Variants in ZNF575 observed in about 807,000 individuals in gnomAD.
The protein encoded by ZNF575 is zinc finger protein 575.
ZNF575 carries 17 observed loss-of-function variants against 17.5 expected under a neutral mutation model. The observed-to-expected ratio is 0.97, with a 90% CI of 0.66 to 1.45. ZNF575 has a LOEUF of 1.45. ZNF575 is among the 40% of genes most tolerant of loss of function. The probability of loss-of-function intolerance (pLI) is 0.00; values close to 1 mark genes in which losing one functional copy is unlikely to be tolerated. For synonymous variants in ZNF575, 146 were observed against 158.3 expected (o/e 0.92, Z 0.58); for missense variants, 352 against 359.2 (o/e 0.98, Z 0.16).
Position 43,535,132 on chromosome 19 carries a change from C to CCCCCGCCCCG in ZNF575, c.185_186insCCGCCCCGCC (p.His63ArgfsTer10), listed in dbSNP as rs2146033111. ...CTCGCCGGCGGCCCCCGCCCCAGCG[C>CCCCCGCCCCG]CCGCACCGCTGCCCCGACTGTGACA... On this transcript the variant is annotated frameshift_variant, in exon 4 of 4. Coordinates refer to ENST00000314228, the MANE Select transcript of ZNF575 (RefSeq NM_174945.3). LOFTEE classifies it high-confidence loss of function. 7 of 1,559,804 alleles carry CCCCCGCCCCG rather than the reference C, an allele frequency of 4.5e-6. No individual in the cohort carries two copies. Among genetic ancestry groups the CCCCCGCCCCG allele is most frequent in the Middle Eastern group, 1.7e-4 (1 of 5,868 alleles).
chr19:43,531,701 G>A (rs1972346197), upstream of ZNF575: 2 of 484,432 alleles, frequency 4.1e-6, no homozygotes, highest in Non-Finnish European at 7.4e-6. Flanking sequence ...GAGATATGAT[G>A]TTTGACATTT....
chr19:43,532,052 G>A (rs1160073485), upstream of ZNF575, among the ~76,000 whole-genome samples: 1 of 148,412 alleles, frequency 6.7e-6, no homozygotes, highest in South Asian at 2.1e-4. Context: ...TTTTTGAGAC[G>A]GAGTCTCACT....
In ZNF575 at chr19:43,533,812, C is replaced by T. The variant is rs1972375677; in HGVS notation, c.-177C>T. On this transcript the variant is annotated 5_prime_UTR_variant, in exon 2 of 4. Transcript: ENST00000314228. ...TCCTCCAGGTCCCCCCTCTATCCTC[C>T]ACGGCCCCATCCAAGCCAGGGATGA... The T allele has an allele frequency of 6.5e-6, 1 of 152,958 alleles. No individual in the cohort carries two copies. Among genetic ancestry groups the T allele is most frequent in the African/African-American group, 2.4e-5 (1 of 41,446 alleles). The allele number at this position is 152,958 out of a possible 1,614,324, so 9.5% of individuals were successfully genotyped here.
chr19:43,534,355 C>G lies in ZNF575; in HGVS notation c.-68C>G. 3 of 1,446,868 alleles carry G rather than the reference C, an allele frequency of 2.1e-6. No individual in the cohort carries two copies. Among genetic ancestry groups the G allele is most frequent in the Admixed American group, 2.0e-5 (1 of 49,410 alleles). 89.6% of individuals were successfully genotyped at this position (1,446,868 alleles called of 1,614,324 possible). On this transcript the variant is annotated 5_prime_UTR_variant, in exon 3 of 4. Transcript: ENST00000314228. ...ATTTTAGGCCCTCCAACCCTATCCC[C>G]ATCAGCCTGGTCATCACCGGCGTCA...
chr19:43,533,176 T>C (rs2682563), upstream of ZNF575: 56,878 of 152,072 alleles, frequency 0.37, 11,064 homozygotes, highest in Non-Finnish European at 0.43. Context: ...GTGCACTTTC[T>C]GTCGATACGG....
rs753389114 is a variant in ZNF575 at position 43,535,468 on chromosome 19, C to T, written c.519C>T (p.Asp173=). 2.0e-5 allele frequency: 33 copies of T among 1,613,396 alleles called. No individual in the cohort carries two copies. Among genetic ancestry groups the T allele is most frequent in the Non-Finnish European group, 2.5e-5 (29 of 1,179,834 alleles). Residue 173 remains aspartate (D), a synonymous_variant, in exon 4 of 4, where the codon GAC becomes GAT. Transcript: ENST00000314228. ...ACCGCCACACGCACCACGCCACCGACGCCCGCCCCTATCCTTGCCCGCATT... is the reference window on the plus strand; with the variant it reads ...ACCGCCACACGCACCACGCCACCGATGCCCGCCCCTATCCTTGCCCGCATT... ...AAHRHTHHAT[D]ARPYPCPHCP...
rs146272217 is a variant in ZNF575 at position 43,535,714 on chromosome 19, C to G, written c.*27C>G. ...CCCTCCCTTGGCTCACTGTCCCCTTCTGCCGCCAGCCCTAGCCAGTAAGAG... is the reference window on the plus strand; with the variant it reads ...CCCTCCCTTGGCTCACTGTCCCCTTGTGCCGCCAGCCCTAGCCAGTAAGAG... On this transcript the variant is annotated 3_prime_UTR_variant, in exon 4 of 4. Coordinates refer to ENST00000314228, the MANE Select transcript of ZNF575 (RefSeq NM_174945.3). The G allele has an allele frequency of 8.8e-4, 1,382 of 1,561,654 alleles. 1 individual carries two copies. Among genetic ancestry groups the G allele is most frequent in the Non-Finnish European group, 1.1e-3 (1,227 of 1,152,906 alleles).
upstream of ZNF575, among the ~76,000 whole-genome samples, chr19:43,532,451 T>C (rs1248897757): frequency 6.6e-5 from 10 of 152,188 alleles, no homozygotes; most frequent in African/African-American, 1.2e-4. Context: ...ACACTTTCCA[T>C]TGATTATCAT....
intron 2 of ZNF575, 57 bp downstream of exon 2, chr19:43,533,959 TG>T (rs1245775560): frequency 6.1e-6 from 1 of 164,718 alleles, no homozygotes; most frequent in African/African-American, 2.4e-5. Flanking sequence ...GCCCCTCCCC[TG>T]GGACGGTGAT....
Position 43,535,561 on chromosome 19 carries a change from G to T in ZNF575, c.612G>T (p.Ala204=). The change falls in exon 4 of 4, where the codon GCG becomes GCT. Residue 204 remains alanine (A), a synonymous_variant. Transcript: ENST00000314228. ...GCCTATGTCACGACCCCCCAACCGC[G>T]CCCGGCAGCCAGGCGACTGCCTGGC... is the stretch of plus-strand genomic sequence containing the variant. ...AHRLCHDPPT[A]PGSQATAWHR... 2.5e-6 allele frequency: 4 copies of T among 1,613,804 alleles called. No individual in the cohort carries two copies. Among genetic ancestry groups the T allele is most frequent in the Non-Finnish European group, 3.4e-6 (4 of 1,179,962 alleles).
Position 43,535,567 on chromosome 19 carries a change from C to T in ZNF575, c.618C>T (p.Gly206=), listed in dbSNP as rs1472457274. ...GTCACGACCCCCCAACCGCGCCCGG[C>T]AGCCAGGCGACTGCCTGGCACCGAT... ...RLCHDPPTAP[G]SQATAWHRCS... Residue 206 remains glycine (G), a synonymous_variant, in exon 4 of 4, where the codon GGC becomes GGT. Transcript: ENST00000314228. 1 of 1,613,902 alleles carries T rather than the reference C, an allele frequency of 6.2e-7. No homozygotes were observed. Among genetic ancestry groups the T allele is most frequent in the African/African-American group, 1.3e-5 (1 of 75,076 alleles).
At position 43,534,482 on chromosome 19, in the gene ZNF575, G is replaced by A. The variant is rs778805674; in HGVS notation, c.60G>A (p.Lys20=). ...CTACCGATCCTAGTCCCACTGGCAA[G>A]GAACCAGTGACCAAAGAAGGTGAGA... The part of the protein sequence containing the change: ...AGATDPSPTG[K]EPVTKEAPHQ... Residue 20 remains lysine (K), a synonymous_variant, in exon 3 of 4, where the codon AAG becomes AAA. Coordinates refer to ENST00000314228, the MANE Select transcript of ZNF575 (RefSeq NM_174945.3). 4.7e-6 allele frequency: 7 copies of A among 1,478,742 alleles called. No individual in the cohort carries two copies. 91.6% of individuals were successfully genotyped at this position (1,478,742 alleles called of 1,614,324 possible).
upstream of ZNF575, among the ~76,000 whole-genome samples, chr19:43,532,388 C>T (rs1414854507): frequency 1.3e-5 from 2 of 152,202 alleles, no homozygotes; most frequent in Non-Finnish European, 2.9e-5. Flanking sequence ...TCCCAGAGTG[C>T]TGGGATTACA....
chr19:43,534,011 G>C (rs539192650), intron 2 of ZNF575, 109 bp downstream of exon 2: 1 of 190,372 alleles, frequency 5.3e-6, no homozygotes, highest in African/African-American at 2.4e-5. Context: ...CCGCCCCCTG[G>C]GTCTAGTTTC....
At position 43,535,539 on chromosome 19, in the gene ZNF575, T is replaced by C. The variant is rs1165161580; in HGVS notation, c.590T>C (p.Leu197Pro). The C allele has an allele frequency of 1.9e-6, 3 of 1,613,900 alleles. No individual in the cohort carries two copies. The highest frequency in any genetic ancestry group is 2.5e-6 in the Non-Finnish European group (3 of 1,179,950). Reference protein sequence around the residue: ...SFPSKLAAHRLCHDPPTAPGS... With the variant: ...SFPSKLAAHRPCHDPPTAPGS... ...CCCTCCAAGCTGGCCGCCCATCGCCTATGTCACGACCCCCCAACCGCGCCC... is the reference window on the plus strand; with the variant it reads ...CCCTCCAAGCTGGCCGCCCATCGCCCATGTCACGACCCCCCAACCGCGCCC... The change falls in exon 4 of 4, where the codon CTA becomes CCA. Residue 197 changes from leucine (L) to proline (P), a missense_variant. Coordinates refer to ENST00000314228, the MANE Select transcript of ZNF575 (RefSeq NM_174945.3).
chr19:43,534,206 T>A (rs966124647), intron 2 of ZNF575, 131 bp from the exon 3 acceptor site: 1 of 537,172 alleles, frequency 1.9e-6, no homozygotes, highest in Non-Finnish European at 3.3e-6. Context: ...GCGAAGGGAC[T>A]GCCTCTGGCT....
chr19:43,535,657 C>A lies in ZNF575; in HGVS notation c.708C>A (p.His236Gln), dbSNP rs1411533290. ...TGCTCCTTCATCAACGCAGCCACCA[C>A]CAGGTGGAGCACAAGGGGGAGAGAG... ...RLLLLHQRSH[H>Q]QVEHKGERD The change falls in exon 4 of 4, where the codon CAC (histidine) becomes CAA (glutamine). Residue 236 changes from histidine (H) to glutamine (Q), a missense_variant. His to Gln is a conservative substitution (Grantham distance 24). Transcript: ENST00000314228. The A allele has an allele frequency of 1.9e-6, 3 of 1,612,480 alleles. No individual in the cohort carries two copies. Among genetic ancestry groups the A allele is most frequent in the Non-Finnish European group, 1.7e-6 (2 of 1,179,552 alleles).
chr19:43,531,586 AAAAG>A (rs1972344788), upstream of ZNF575, among the ~76,000 whole-genome samples: 1 of 145,470 alleles, frequency 6.9e-6, no homozygotes, highest in Middle Eastern at 3.6e-3. Context: ...CATCTCAAAA[AAAAG>A]AGAGAGAGAG....
At position 43,535,675 on chromosome 19, in the gene ZNF575, GGA is replaced by G. The variant is rs1491363102; in HGVS notation, c.733_734del (p.Asp245LeufsTer23). The G allele has an allele frequency of 6.2e-7, 1 of 1,608,858 alleles. No homozygotes were observed. Among genetic ancestry groups the G allele is most frequent in the Non-Finnish European group, 8.5e-7 (1 of 1,177,800 alleles). ...RSHHQVEHKGERD is the reference protein window; with the variant it reads ...RSHHQVEHKGXRD ...GCCACCACCAGGTGGAGCACAAGGG[GGA>G]GAGAGACTGAGCCCTCCCTTGGCTC... On this transcript the variant is annotated frameshift_variant, in exon 4 of 4. Transcript: ENST00000314228. LOFTEE classifies it high-confidence loss of function.
Sources: allele counts gnomAD v4.1 joint callset (sites outside exome capture counted in the v4.1 genomes callset), GRCh38; gene constraint gnomAD v4.1.1; transcripts MANE v1.5; gene names NCBI Gene and HGNC (gene_info 2026-07-23, HGNC 2026-07-21).